Variants in RNF150 observed in about 807,000 individuals in gnomAD.
The protein encoded by RNF150 is ring finger protein 150.
RNF150 carries 24 observed loss-of-function variants against 39.3 expected under a neutral mutation model. That is an observed-to-expected ratio of 0.61 (90% CI 0.44 to 0.86). The LOEUF (loss-of-function observed/expected upper bound fraction) is 0.86. Ranked by LOEUF, RNF150 falls within the 40% of genes least tolerant of loss-of-function variation. The probability of loss-of-function intolerance (pLI) is 0.00; values close to 1 mark genes in which losing one functional copy is unlikely to be tolerated. For missense variants in RNF150, 502 were observed against 587.8 expected (o/e 0.85, Z 1.51); for synonymous variants, 255 against 227.3 (o/e 1.12, Z -1.10).
At chr4:141,032,470 G>C (rs368218934) in intron 1 of RNF150, among the ~76,000 whole-genome samples, 1 of 152,070 alleles carries the variant, frequency 6.6e-6, no homozygotes, top group Admixed American at 6.6e-5. Flanking sequence ...ATACACAAAC[G>C]TAACTACTAA....
At chr4:140,873,494 C>T (rs1578918160) in intron 6 of RNF150, among the ~76,000 whole-genome samples, 2 of 152,072 alleles carry the variant, frequency 1.3e-5, no homozygotes, top group Non-Finnish European at 2.9e-5. Flanking sequence ...CCTCATTTTC[C>T]TTTAAATATA....
chr4:141,092,651 A>T (rs888037978), intron 1 of RNF150, among the ~76,000 whole-genome samples: 3 of 152,052 alleles, frequency 2.0e-5, no homozygotes, highest in Non-Finnish European at 4.4e-5. Flanking sequence ...TGGGTCCCAG[A>T]GGATATAAAG....
chr4:140,956,587 A>G (rs1187718354), intron 2 of RNF150, among the ~76,000 whole-genome samples: 1 of 152,200 alleles, frequency 6.6e-6, no homozygotes, highest in Non-Finnish European at 1.5e-5. Flanking sequence ...GGCAGATTCA[A>G]CCAATAATGG....
At chr4:141,049,844 T>C (rs150708069) in intron 1 of RNF150, among the ~76,000 whole-genome samples, 299 of 152,226 alleles carry the variant, frequency 2.0e-3, no homozygotes, top group Non-Finnish European at 3.2e-3. Flanking sequence ...TATTAGAGCA[T>C]ACTGATGTAA....
chr4:140,948,304 TTATATACTTGAAA>T (rs1732403034), intron 3 of RNF150, among the ~76,000 whole-genome samples: 1 of 152,236 alleles, frequency 6.6e-6, no homozygotes, highest in South Asian at 2.1e-4. Context: ...AATGGCGTTT[TTATATACTTGAAA>T]AATAATAGCA....
chr4:141,193,330 G>A (rs1306204081), intron 1 of RNF150, among the ~76,000 whole-genome samples: 1 of 152,224 alleles, frequency 6.6e-6, no homozygotes, highest in Non-Finnish European at 1.5e-5. Context: ...GCACTGTGGA[G>A]TTTCTTCTCC....
chr4:141,190,108 G>A (rs1272851715), intron 1 of RNF150, among the ~76,000 whole-genome samples: 2 of 152,076 alleles, frequency 1.3e-5, no homozygotes, highest in African/African-American at 4.8e-5. Context: ...TGCACTTCCT[G>A]GGTGAGGTGA....
intron 1 of RNF150, among the ~76,000 whole-genome samples, chr4:140,974,552 C>T (rs1426387329): frequency 6.6e-6 from 1 of 152,106 alleles, no homozygotes; most frequent in African/African-American, 2.4e-5. Context: ...GGTAGTTGAA[C>T]ATTTGGTGTT....
At chr4:141,050,901 G>A (rs1204853466) in intron 1 of RNF150, among the ~76,000 whole-genome samples, 2 of 152,182 alleles carry the variant, frequency 1.3e-5, no homozygotes, top group Non-Finnish European at 2.9e-5. Flanking sequence ...ACTCTGTGTG[G>A]GGGCTCCAAC....
intron 1 of RNF150, among the ~76,000 whole-genome samples, chr4:141,111,473 T>C (rs539513310): frequency 7.2e-5 from 11 of 152,260 alleles, no homozygotes; most frequent in African/African-American, 2.2e-4. Flanking sequence ...CCATAATGTA[T>C]AAGCTTGCAT....
At chr4:141,054,916 AAAC>A (rs1307918955) in intron 1 of RNF150, among the ~76,000 whole-genome samples, 1 of 152,206 alleles carries the variant, frequency 6.6e-6, no homozygotes, top group African/African-American at 2.4e-5. Flanking sequence ...ATGTGATAAC[AAAC>A]AACAAAATTG....
chr4:141,137,436 G>T (rs1183020077), upstream of RNF150, among the ~76,000 whole-genome samples: 1 of 152,204 alleles, frequency 6.6e-6, no homozygotes, highest in Non-Finnish European at 1.5e-5. Flanking sequence ...TGTTTTGAAG[G>T]TGGGATAAAC....
chr4:140,978,941 A>G (rs1579022661), intron 1 of RNF150, among the ~76,000 whole-genome samples: 1 of 152,276 alleles, frequency 6.6e-6, no homozygotes, highest in East Asian at 1.9e-4. Flanking sequence ...AATAATGCTG[A>G]AATAACTTTC....
rs192129267 is a variant in RNF150, at chr4:141,109,690, T to A, written c.484+22635A>T. Among the ~76,000 whole-genome samples, 10 of 152,228 alleles carry A rather than the reference T, an allele frequency of 6.6e-5. No individual in the cohort carries two copies. In the East Asian group the frequency reaches 1.9e-3, roughly 29 times the overall value. On this transcript the variant is annotated intron_variant, in intron 1 of 6. Transcript: ENST00000515673. ...CATAAGCAAAAACAGGCTGATTTCC[T>A]CTTCCACCTATGATGGAGCAGCATA...
At chr4:141,071,454 C>T (rs957321627) in intron 1 of RNF150, among the ~76,000 whole-genome samples, 1 of 151,716 alleles carries the variant, frequency 6.6e-6, no homozygotes, top group Admixed American at 6.6e-5. Flanking sequence ...ACCTCAAATA[C>T]TTTTGCATTA....
At chr4:141,193,730 G>A (rs992672520) in intron 1 of RNF150, among the ~76,000 whole-genome samples, 2 of 152,174 alleles carry the variant, frequency 1.3e-5, no homozygotes, top group African/African-American at 4.8e-5. Flanking sequence ...AGAAATGAGA[G>A]AGAAGCCTGT....
chr4:140,967,283 T>C (rs1733281039), intron 2 of RNF150, among the ~76,000 whole-genome samples: 1 of 152,140 alleles, frequency 6.6e-6, no homozygotes, highest in Non-Finnish European at 1.5e-5. Context: ...TATCTCCTTT[T>C]TTTTCTTCTG....
intron 1 of RNF150, among the ~76,000 whole-genome samples, chr4:141,126,493 T>C (rs947406478): frequency 6.6e-6 from 1 of 152,214 alleles, no homozygotes. Flanking sequence ...ATCTCCTCAC[T>C]ACCCCAAGTT....
chr4:141,211,625 G>A (rs1728467167), intron 1 of RNF150, among the ~76,000 whole-genome samples: 1 of 151,778 alleles, frequency 6.6e-6, no homozygotes, highest in Non-Finnish European at 1.5e-5. Flanking sequence ...TTGCTAAGAA[G>A]GAAAGTAATA....
Sources: gnomAD v4.1 joint callset for allele counts (sites outside exome capture counted in the v4.1 genomes callset) on GRCh38, gnomAD v4.1.1 for gene constraint, MANE v1.5 for transcripts, NCBI Gene and HGNC (gene_info 2026-07-23, HGNC 2026-07-21) for gene names.